PIWIL2: variants seen among roughly 807,000 people sequenced by gnomAD.
The protein encoded by PIWIL2 is piwi-like protein 2.
PIWIL2 carries 81 observed loss-of-function variants against 116.5 expected under a neutral mutation model. The ratio of observed to expected loss-of-function variants is 0.70; its 90% confidence interval spans 0.58 to 0.84. The LOEUF is 0.84. PIWIL2 is among the 40% of genes least tolerant of loss of function. PIWIL2 has a pLI of 0.00. For missense variants in PIWIL2, 1,272 were observed against 1,212.3 expected (o/e 1.05, Z -0.73); for synonymous variants, 489 against 429.5 (o/e 1.14, Z -1.71).
intron 14 of PIWIL2, among the ~76,000 whole-genome samples, chr8:22,308,647 C>T (rs549979334): frequency 6.6e-6 from 1 of 151,846 alleles, no homozygotes; most frequent in African/African-American, 2.4e-5. Flanking sequence ...AGGGAGAATC[C>T]ATCTCAAAAA....
chr8:22,324,107 C>G (rs1467404818), intron 20 of PIWIL2, among the ~76,000 whole-genome samples: 1 of 152,070 alleles, frequency 6.6e-6, no homozygotes, highest in African/African-American at 2.4e-5. Flanking sequence ...ACTAAAAATA[C>G]AAAAATTAGC....
Position 22,304,878 on chromosome 8 carries a change from G to A in PIWIL2, c.1455+10G>A, listed in dbSNP as rs1298924910. 2 of 1,555,680 alleles carry A rather than the reference G, an allele frequency of 1.3e-6. No individual in the cohort carries two copies. Among genetic ancestry groups the A allele is most frequent in the Admixed American group, 3.3e-5 (2 of 59,920 alleles). ...GGATAATCATGGGATGGTGAGTAGG[G>A]CTGTCAGGCTTACAATTCCAGCTTA... On this transcript the variant is annotated intron_variant, in intron 12 of 22. Coordinates refer to ENST00000356766, the MANE Select transcript of PIWIL2 (RefSeq NM_018068.5).
intron 20 of PIWIL2, among the ~76,000 whole-genome samples, chr8:22,323,418 T>A (rs1831652338): frequency 6.6e-6 from 1 of 152,114 alleles, no homozygotes; most frequent in Non-Finnish European, 1.5e-5. Context: ...AGTGCTGGGA[T>A]TATAGGCATG....
At chr8:22,283,628 C>T (rs1830564005) in intron 5 of PIWIL2, among the ~76,000 whole-genome samples, 2 of 152,150 alleles carry the variant, frequency 1.3e-5, no homozygotes, top group African/African-American at 4.8e-5. Flanking sequence ...CCAGGCTGGT[C>T]TTGAACTCCT....
At chr8:22,326,569 T>G (rs996889738) in intron 20 of PIWIL2, among the ~76,000 whole-genome samples, 2 of 152,236 alleles carry the variant, frequency 1.3e-5, no homozygotes, top group Non-Finnish European at 2.9e-5. Flanking sequence ...TTGTCTATTT[T>G]GCCTATATTG....
chr8:22,279,813 C>T (rs561789857), intron 2 of PIWIL2, among the ~76,000 whole-genome samples: 14 of 152,224 alleles, frequency 9.2e-5, no homozygotes, highest in African/African-American at 3.4e-4. Context: ...AAAAATTAGC[C>T]AGGTGTGGTG....
chr8:22,314,468 C>A, intron 17 of PIWIL2, 39 bp downstream of exon 17: 1 of 1,056,102 alleles, frequency 9.5e-7, no homozygotes, highest in Non-Finnish European at 1.4e-6. Flanking sequence ...GATGGCACCT[C>A]TCGCCTCCCC....
rs1047040694 is a variant in PIWIL2, at chr8:22,355,569, G to C, written c.*64G>C. ...GCCTCAGAACTCAGCTGTGACTCTT[G>C]CAGAATCAACAGAGACTGAAGTGGG... On this transcript the variant is annotated 3_prime_UTR_variant, in exon 23 of 23. Coordinates refer to ENST00000356766, the MANE Select transcript of PIWIL2 (RefSeq NM_018068.5). 28 of 1,466,384 alleles carry C rather than the reference G, an allele frequency of 1.9e-5. No individual in the cohort carries two copies. Among genetic ancestry groups the C allele is most frequent in the Non-Finnish European group, 2.5e-5 (27 of 1,060,544 alleles). The allele number at this position is 1,466,384 out of a possible 1,614,324, so 90.8% of individuals were successfully genotyped here.
At chr8:22,340,197 CAT>C (rs199834968) in intron 20 of PIWIL2, among the ~76,000 whole-genome samples, 4,714 of 151,978 alleles carry the variant, frequency 0.031, 280 homozygotes, top group African/African-American at 0.11. Flanking sequence ...GGATTACAGA[CAT>C]GTGCCACCAT....
At chr8:22,324,328 C>G (rs531235349) in intron 20 of PIWIL2, among the ~76,000 whole-genome samples, 2 of 152,236 alleles carry the variant, frequency 1.3e-5, no homozygotes, top group East Asian at 1.9e-4. Flanking sequence ...CCTCAGATAT[C>G]ATTCTTCCTT....
chr8:22,283,252 G>GCACTGC lies in PIWIL2; in HGVS notation c.632+14_632+19dup. ...GAACACAAGGAAAAGTAAGTCAGGA[G>GCACTGC]CACTGCCTTCTCTACTTAGTAATGA... On this transcript the variant is annotated intron_variant, in intron 5 of 22. Transcript: ENST00000356766. 6.3e-7 allele frequency: 1 copy of GCACTGC among 1,582,600 alleles called. No homozygotes were observed. Among genetic ancestry groups the GCACTGC allele is most frequent in the Non-Finnish European group, 8.7e-7 (1 of 1,151,828 alleles).
chr8:22,308,080 CA>C lies in PIWIL2; in HGVS notation c.1686+13del. ...GCAAAAGGATGTACATAAGGTAAAC[CA>C]AAAAACGTGATGGTGTATGCACATG... On this transcript the variant is annotated splice_region_variant and intron_variant, in intron 14 of 22. Transcript: ENST00000356766. The C allele has an allele frequency of 6.2e-7, 1 of 1,609,064 alleles. No individual in the cohort carries two copies. Among genetic ancestry groups the C allele is most frequent in the Non-Finnish European group, 8.5e-7 (1 of 1,177,196 alleles).
intron 10 of PIWIL2, among the ~76,000 whole-genome samples, chr8:22,301,878 C>T (rs953613800): frequency 6.6e-6 from 1 of 152,088 alleles, no homozygotes; most frequent in African/African-American, 2.4e-5. Context: ...TTGTCCTTCC[C>T]TACTGATTTA....
rs1180470210 is a variant in PIWIL2 at position 22,279,395 on chromosome 8, T to C, written c.9T>C (p.Pro3=). Residue 3 remains proline (P), a synonymous_variant, in exon 2 of 23, where the codon CCT becomes CCC. Transcript: ENST00000356766. ...TTCTCTACAGCCCGTCCATGGATCC[T>C]TTCCGACCATCGTTCAGGGGCCAGT... The part of the protein sequence containing the change: MD[P]FRPSFRGQSP... The C allele has an allele frequency of 1.2e-6, 2 of 1,614,064 alleles. No homozygotes were observed. The highest frequency in any genetic ancestry group is 1.7e-6 in the Non-Finnish European group (2 of 1,179,904).
intron 20 of PIWIL2, among the ~76,000 whole-genome samples, chr8:22,319,015 A>C (rs974660664): frequency 2.0e-5 from 3 of 152,234 alleles, no homozygotes; most frequent in African/African-American, 7.2e-5. Context: ...AAAGAATGCT[A>C]ACCATGGAGG....
At chr8:22,285,929 G>A (rs1830619424) in intron 6 of PIWIL2, among the ~76,000 whole-genome samples, 1 of 152,186 alleles carries the variant, frequency 6.6e-6, no homozygotes, top group South Asian at 2.1e-4. Flanking sequence ...ACCGGCATGA[G>A]CCACCATGCC....
intron 7 of PIWIL2, among the ~76,000 whole-genome samples, chr8:22,288,288 ACT>A (rs1479056392): frequency 1.6e-5 from 2 of 125,420 alleles, no homozygotes; most frequent in South Asian, 2.9e-4. Flanking sequence ...ACAGAGCGAG[ACT>A]CTGTCTCCAA....
At position 22,304,226 on chromosome 8, in the gene PIWIL2, G is replaced by C; in HGVS notation, c.1370+17G>C. 1 of 1,592,298 alleles carries C rather than the reference G, an allele frequency of 6.3e-7. No homozygotes were observed. The highest frequency in any genetic ancestry group is 8.6e-7 in the Non-Finnish European group (1 of 1,162,948). ...ATACTACAGGTAGCAAGAAGAGACT[G>C]GGTTTGGGCCTCAGGGTGGGGGTTG... On this transcript the variant is annotated intron_variant, in intron 11 of 22. Coordinates refer to ENST00000356766, the MANE Select transcript of PIWIL2 (RefSeq NM_018068.5).
intron 10 of PIWIL2, among the ~76,000 whole-genome samples, chr8:22,302,572 C>T (rs970029152): frequency 6.6e-6 from 1 of 152,016 alleles, no homozygotes. Flanking sequence ...TGTCTTTGCT[C>T]GGTTTTTCCT....
Sources: gnomAD v4.1 joint callset for allele counts (sites outside exome capture counted in the v4.1 genomes callset) on GRCh38, gnomAD v4.1.1 for gene constraint, MANE v1.5 for transcripts, NCBI Gene and HGNC (gene_info 2026-07-23, HGNC 2026-07-21) for gene names.